Variants in LEP observed in about 807,000 individuals in gnomAD.
The protein encoded by LEP is leptin.
LEP carries 6 observed loss-of-function variants against 9.8 expected under a neutral mutation model. That is an observed-to-expected ratio of 0.61 (90% CI 0.34 to 1.21). The LOEUF (loss-of-function observed/expected upper bound fraction) is 1.21, where lower values mean the gene tolerates loss of function less well. Among genes scored for constraint, LEP ranks in the 50% most tolerant of loss-of-function variants. The probability of loss-of-function intolerance (pLI) is 0.04; values close to 1 mark genes in which losing one functional copy is unlikely to be tolerated. For synonymous variants in LEP, 112 were observed against 81.7 expected (o/e 1.37, Z -2.00); for missense variants, 134 against 198.1 (o/e 0.68, Z 1.94).
chr7:128,242,683 G>T (rs990300838), intron 1 of LEP, among the ~76,000 whole-genome samples: 1 of 152,140 alleles, frequency 6.6e-6, no homozygotes, highest in African/African-American at 2.4e-5. Flanking sequence ...AACTCTTCTT[G>T]GTATTTGGGG....
At chr7:128,247,133 T>C (rs1349162736) in intron 1 of LEP, among the ~76,000 whole-genome samples, 2 of 152,234 alleles carry the variant, frequency 1.3e-5, no homozygotes, top group African/African-American at 2.4e-5. Flanking sequence ...TCAAAACTGC[T>C]TTGGAAACTT....
chr7:128,254,420 A>G lies in LEP; in HGVS notation c.161A>G (p.Lys54Arg). 1 of 1,613,632 alleles carries G rather than the reference A, an allele frequency of 6.2e-7. No homozygotes were observed. The highest frequency in any genetic ancestry group is 8.5e-7 in the Non-Finnish European group (1 of 1,180,026). The change falls in exon 3 of 3, where the codon AAA becomes AGA. Residue 54 changes from lysine (K) to arginine (R), a missense_variant. By Grantham distance (26) the Lys-to-Arg change is conservative. Coordinates refer to ENST00000308868, the MANE Select transcript of LEP (RefSeq NM_000230.3). Reference sequence around the variant, plus strand: ...CCTGCATAGCAGTCAGTCTCCTCCAAACAGAAAGTCACCGGTTTGGACTTC... The same window carrying G: ...CCTGCATAGCAGTCAGTCTCCTCCAGACAGAAAGTCACCGGTTTGGACTTC... ...DISHTQSVSS[K>R]QKVTGLDFIP...
rs6956510 is a variant in LEP, at chr7:128,254,187, G to A, written c.145-217G>A. ...AGGAAAGTTGGCCTGGAAGTGGAGGGAAGGATGGTGTGGGAAAAGCAGGAA... is the reference window on the plus strand; with the variant it reads ...AGGAAAGTTGGCCTGGAAGTGGAGGAAAGGATGGTGTGGGAAAAGCAGGAA... On this transcript the variant is annotated intron_variant, in intron 2 of 2. Coordinates refer to ENST00000308868, the MANE Select transcript of LEP (RefSeq NM_000230.3). Among the ~76,000 whole-genome samples the A allele has an allele frequency of 0.05, 7,538 of 152,252 alleles. 491 individuals are homozygous for A. The highest frequency in any genetic ancestry group is 0.15 in the African/African-American group (6,347 of 41,510).
chr7:128,242,129 T>C (rs1422949276), intron 1 of LEP, among the ~76,000 whole-genome samples: 1 of 152,184 alleles, frequency 6.6e-6, no homozygotes, highest in African/African-American at 2.4e-5. Context: ...TTAAAGATAG[T>C]GGTGCTTTGG....
chr7:128,246,484 T>C (rs1281693013), intron 1 of LEP, among the ~76,000 whole-genome samples: 1 of 152,172 alleles, frequency 6.6e-6, no homozygotes, highest in Non-Finnish European at 1.5e-5. Context: ...AGATGGGGTC[T>C]TGCTGTGTCA....
chr7:128,251,554 A>G (rs1795274542), intron 1 of LEP, among the ~76,000 whole-genome samples: 1 of 152,224 alleles, frequency 6.6e-6, no homozygotes, highest in Non-Finnish European at 1.5e-5. Context: ...TGATCCTCAT[A>G]AAAGCCTAGA....
Position 128,256,165 on chromosome 7 carries a change from C to T in LEP, c.*1402C>T, listed in dbSNP as rs1018105308. 4 of 152,210 alleles carry T rather than the reference C, an allele frequency of 2.6e-5. No homozygotes were observed. The highest frequency in any genetic ancestry group is 1.9e-4 in the East Asian group (1 of 5,190). 9.4% of individuals were successfully genotyped at this position (152,210 alleles called of 1,614,324 possible). Reference sequence around the variant, plus strand: ...TTTACTCCAGTGGTGAAGAAAACTCCTTTAGCAGGTGGTCCTGAGACCTGA... The same window carrying T: ...TTTACTCCAGTGGTGAAGAAAACTCTTTTAGCAGGTGGTCCTGAGACCTGA... On this transcript the variant is annotated 3_prime_UTR_variant, in exon 3 of 3. Transcript: ENST00000308868.
intron 2 of LEP, among the ~76,000 whole-genome samples, chr7:128,253,795 G>A (rs548951084): frequency 9.8e-5 from 15 of 152,378 alleles, no homozygotes; most frequent in Middle Eastern, 3.4e-3. Context: ...GCACGTGATA[G>A]ATCCCGAGTG....
At chr7:128,254,383 C>A (rs746638855) in intron 2 of LEP, 21 bp from the exon 3 acceptor site, 2 of 1,611,114 alleles carry the variant, frequency 1.2e-6, no homozygotes, top group Admixed American at 1.7e-5. Context: ...AGCACTTGTT[C>A]TCCCTCTTCC....
intron 1 of LEP, among the ~76,000 whole-genome samples, chr7:128,244,280 C>T (rs1180973799): frequency 1.5e-5 from 2 of 136,508 alleles, no homozygotes; most frequent in South Asian, 4.8e-4. Context: ...CACACACACA[C>T]AGATTAGAGC....
intron 1 of LEP, among the ~76,000 whole-genome samples, chr7:128,244,396 T>C (rs570474073): frequency 6.6e-6 from 1 of 152,338 alleles, no homozygotes; most frequent in South Asian, 2.1e-4. Flanking sequence ...TGGTTACATA[T>C]GTTAACACGA....
intron 1 of LEP, among the ~76,000 whole-genome samples, chr7:128,249,392 G>A (rs28954096): frequency 0.024 from 3,636 of 152,312 alleles, 145 homozygotes; most frequent in African/African-American, 0.082. Flanking sequence ...TGTCCTCCTG[G>A]TTCAAGATGG....
intron 1 of LEP, among the ~76,000 whole-genome samples, chr7:128,250,969 G>T (rs1191377389): frequency 6.6e-6 from 1 of 152,106 alleles, no homozygotes; most frequent in East Asian, 1.9e-4. Flanking sequence ...TTTAATTTTA[G>T]AATTCACAGT....
intron 1 of LEP, among the ~76,000 whole-genome samples, chr7:128,249,867 C>A (rs1458886194): frequency 7.9e-5 from 12 of 152,182 alleles, no homozygotes; most frequent in Non-Finnish European, 2.9e-5. Context: ...TATTAGGCAG[C>A]CTTACTCAGC....
chr7:128,242,863 C>T (rs751796271), intron 1 of LEP, among the ~76,000 whole-genome samples: 47 of 152,192 alleles, frequency 3.1e-4, no homozygotes, highest in Non-Finnish European at 6.3e-4. Flanking sequence ...CAATGTCCCA[C>T]CCCCGCTTAG....
chr7:128,250,196 C>T (rs1795258237), intron 1 of LEP, among the ~76,000 whole-genome samples: 1 of 152,120 alleles, frequency 6.6e-6, no homozygotes, highest in African/African-American at 2.4e-5. Context: ...GACTTCGTAT[C>T]GGGGATTAGC....
At chr7:128,246,869 G>T (rs1230276464) in intron 1 of LEP, among the ~76,000 whole-genome samples, 1 of 152,134 alleles carries the variant, frequency 6.6e-6, no homozygotes, top group Non-Finnish European at 1.5e-5. Flanking sequence ...GCCAGGCCTT[G>T]ATTAAAGGAG....
chr7:128,243,815 C>G (rs1007275347), intron 1 of LEP, among the ~76,000 whole-genome samples: 2 of 152,064 alleles, frequency 1.3e-5, no homozygotes, highest in African/African-American at 4.8e-5. Context: ...TTTAACGAAG[C>G]CCTGCCGTGT....
chr7:128,244,246 G>GACACACACAC (rs60815271), intron 1 of LEP, among the ~76,000 whole-genome samples: 299 of 147,136 alleles, frequency 2.0e-3, no homozygotes, highest in East Asian at 9.1e-3. Flanking sequence ...GCAAGACCCT[G>GACACACACAC]ACACACACAC....
Sources: allele counts gnomAD v4.1 joint callset (sites outside exome capture counted in the v4.1 genomes callset), GRCh38; gene constraint gnomAD v4.1.1; transcripts MANE v1.5; gene names NCBI Gene and HGNC (gene_info 2026-07-23, HGNC 2026-07-21).